Variants in NBAS observed in about 807,000 individuals in gnomAD.
NBAS encodes the protein NAG/BC035112 fusion.
NBAS carries 219 observed loss-of-function variants against 302.5 expected under a neutral mutation model. The observed-to-expected ratio is 0.72, with a 90% CI of 0.65 to 0.81. The LOEUF (loss-of-function observed/expected upper bound fraction) is 0.81. Ranked by LOEUF, NBAS falls within the 30% of genes least tolerant of loss-of-function variation. NBAS has a pLI of 0.00. For missense variants in NBAS, 2,932 were observed against 2,841.6 expected (o/e 1.03, Z -0.72); for synonymous variants, 1,118 against 1,021.6 (o/e 1.09, Z -1.80).
At chr2:15,234,327 T>C (rs576773446) in intron 46 of NBAS, among the ~76,000 whole-genome samples, 5 of 152,308 alleles carry the variant, frequency 3.3e-5, no homozygotes, top group African/African-American at 1.2e-4. Flanking sequence ...CAACCAGAAA[T>C]TACATAGCTT....
At chr2:15,386,921 TGA>T (rs1251179973) in intron 28 of NBAS, among the ~76,000 whole-genome samples, 1 of 152,150 alleles carries the variant, frequency 6.6e-6, no homozygotes, top group Non-Finnish European at 1.5e-5. Context: ...TCATATTAAT[TGA>T]GTGTGTCCCC....
the NBAS span, among the ~76,000 whole-genome samples, chr2:14,834,234 G>C: frequency 7.2e-4 from 110 of 152,266 alleles, 1 homozygote; most frequent in African/African-American, 2.1e-3. Context: ...AGACACAGCA[G>C]ACTTATTTAA....
intron 40 of NBAS, among the ~76,000 whole-genome samples, chr2:15,298,322 G>A (rs1003698762): frequency 6.6e-6 from 1 of 152,122 alleles, no homozygotes; most frequent in Non-Finnish European, 1.5e-5. Flanking sequence ...TATAAAACAT[G>A]ATACTGAGAA....
At chr2:14,848,442 G>A in the NBAS span, among the ~76,000 whole-genome samples, 10 of 142,648 alleles carry the variant, frequency 7.0e-5, 1 homozygote, top group East Asian at 3.9e-4. Flanking sequence ...ACGGAATCTC[G>A]CTGATTGCTA....
chr2:15,372,135 T>C (rs1423397852), intron 31 of NBAS, among the ~76,000 whole-genome samples: 2 of 152,170 alleles, frequency 1.3e-5, no homozygotes, highest in Non-Finnish European at 2.9e-5. Flanking sequence ...TATAATGCTG[T>C]AAGTCAGAAA....
intron 10 of NBAS, among the ~76,000 whole-genome samples, chr2:15,505,164 A>T (rs1404232150): frequency 6.6e-6 from 1 of 152,190 alleles, no homozygotes; most frequent in Non-Finnish European, 1.5e-5. Context: ...GCTAAAACCT[A>T]TGTCCCCACT....
At chr2:15,268,380 T>C (rs752011789) in intron 44 of NBAS, among the ~76,000 whole-genome samples, 1 of 152,184 alleles carries the variant, frequency 6.6e-6, no homozygotes, top group Non-Finnish European at 1.5e-5. Flanking sequence ...CTAGCCTGAG[T>C]TGATGTGTGC....
At chr2:15,432,710 G>A (rs12692267) in intron 21 of NBAS, among the ~76,000 whole-genome samples, 94,884 of 151,920 alleles carry the variant, frequency 0.62, 30,389 homozygotes, top group Middle Eastern at 0.68. Context: ...GTTCTGGCAA[G>A]TAAAGAATAA....
intron 6 of NBAS, among the ~76,000 whole-genome samples, chr2:15,544,386 GAGGGAAGC>G (rs1664004582): frequency 6.6e-6 from 1 of 152,020 alleles, no homozygotes; most frequent in Non-Finnish European, 1.5e-5. Context: ...AGGCGGGAAA[GAGGGAAGC>G]AGGGAAGGGA....
intron 2 of NBAS, among the ~76,000 whole-genome samples, chr2:15,557,073 T>C (rs1219260972): frequency 6.6e-6 from 1 of 152,128 alleles, no homozygotes; most frequent in African/African-American, 2.4e-5. Flanking sequence ...GTTCAAGAAA[T>C]AAAAGCAGTT....
At chr2:14,982,770 ATAACT>A in the NBAS span, among the ~76,000 whole-genome samples, 1 of 152,250 alleles carries the variant, frequency 6.6e-6, no homozygotes, top group Admixed American at 6.5e-5. Context: ...ATAATTATAA[ATAACT>A]TGATTCATAA....
the NBAS span, chr2:14,907,599 T>C: frequency 6.6e-6 from 1 of 152,276 alleles, no homozygotes; most frequent in African/African-American, 2.4e-5. Flanking sequence ...TAGGCAAGGC[T>C]TGAATGCAAT....
the NBAS span, among the ~76,000 whole-genome samples, chr2:15,100,256 T>C: frequency 6.6e-6 from 1 of 152,192 alleles, no homozygotes; most frequent in Non-Finnish European, 1.5e-5. Context: ...AGACACAGTC[T>C]TAATAGTCTA....
chr2:15,257,915 A>G (rs1273629377), intron 44 of NBAS, among the ~76,000 whole-genome samples: 1 of 152,228 alleles, frequency 6.6e-6, no homozygotes, highest in African/African-American at 2.4e-5. Context: ...ATTGAACTCA[A>G]TCACAATCTA....
At chr2:14,910,816 AAAC>A in the NBAS span, among the ~76,000 whole-genome samples, 3 of 152,226 alleles carry the variant, frequency 2.0e-5, no homozygotes, top group South Asian at 6.2e-4. Flanking sequence ...TGTTGGGGCT[AAAC>A]TATTTATTAT....
At chr2:15,320,218 C>T (rs1024105797) in intron 38 of NBAS, among the ~76,000 whole-genome samples, 1 of 152,130 alleles carries the variant, frequency 6.6e-6, no homozygotes, top group Non-Finnish European at 1.5e-5. Context: ...TAAAAACTCT[C>T]AATAAACTAG....
chr2:14,832,115 C>T, the NBAS span, among the ~76,000 whole-genome samples: 26 of 152,062 alleles, frequency 1.7e-4, no homozygotes, highest in African/African-American at 6.0e-4. Flanking sequence ...CTATGTATTT[C>T]TTCCTCCTCT....
At chr2:14,894,469 T>C in the NBAS span, among the ~76,000 whole-genome samples, 3 of 152,012 alleles carry the variant, frequency 2.0e-5, no homozygotes, top group East Asian at 5.8e-4. Flanking sequence ...TTTGAAAAAA[T>C]ATGAGTGCTA....
chr2:15,407,806 C>G (rs776722356), intron 25 of NBAS, among the ~76,000 whole-genome samples: 4 of 152,130 alleles, frequency 2.6e-5, no homozygotes, highest in African/African-American at 7.2e-5. Context: ...CAAATTTATC[C>G]TCTTACAGTT....
Sources: gnomAD v4.1 joint callset for allele counts (sites outside exome capture counted in the v4.1 genomes callset) on GRCh38, gnomAD v4.1.1 for gene constraint, MANE v1.5 for transcripts, NCBI Gene and HGNC (gene_info 2026-07-23, HGNC 2026-07-21) for gene names.